SORCS2: variants seen among roughly 807,000 people sequenced by gnomAD.
The protein encoded by SORCS2 is VPS10 domain-containing receptor SorCS2.
Under a neutral mutation model 141.6 loss-of-function variants are expected in SORCS2, and 100 were observed. That is an observed-to-expected ratio of 0.71 (90% CI 0.60 to 0.83). The LOEUF (loss-of-function observed/expected upper bound fraction) is 0.83, where lower values mean the gene tolerates loss of function less well. Among genes scored for constraint, SORCS2 ranks in the 40% least tolerant of loss-of-function variants. SORCS2 has a pLI of 0.00. For missense variants in SORCS2, 1,646 were observed against 1,560.2 expected (o/e 1.05, Z -0.93); for synonymous variants, 789 against 676.9 (o/e 1.17, Z -2.57).
intron 1 of SORCS2, among the ~76,000 whole-genome samples, chr4:7,238,021 C>G (rs1712407353): frequency 6.6e-6 from 1 of 152,062 alleles, no homozygotes; most frequent in Admixed American, 6.6e-5. Context: ...GGATGGCTGT[C>G]ATCTGCAATG....
intron 1 of SORCS2, among the ~76,000 whole-genome samples, chr4:7,242,317 C>T (rs1343269387): frequency 6.6e-6 from 1 of 152,104 alleles, no homozygotes; most frequent in Non-Finnish European, 1.5e-5. Flanking sequence ...AACTCAGCCT[C>T]CTGAGTAGCT....
chr4:7,545,881 C>T (rs1044790884), intron 3 of SORCS2, among the ~76,000 whole-genome samples: 1 of 152,222 alleles, frequency 6.6e-6, no homozygotes, highest in African/African-American at 2.4e-5. Context: ...ATTTATTTCT[C>T]ATAGCTCTGG....
chr4:7,638,509 C>A lies in SORCS2; in HGVS notation c.813+17C>A. ...GAGAGCAAGGTAAGATATATGGGTG[C>A]CAGTCGCCTGGTCTGTGGGGCTGGG... On this transcript the variant is annotated intron_variant, in intron 4 of 26. Transcript: ENST00000507866. 6.2e-7 allele frequency: 1 copy of A among 1,603,302 alleles called. No individual in the cohort carries two copies. Among genetic ancestry groups the A allele is most frequent in the Non-Finnish European group, 8.5e-7 (1 of 1,176,354 alleles).
At chr4:7,204,734 C>T (rs1209703546) in intron 1 of SORCS2, among the ~76,000 whole-genome samples, 1 of 152,138 alleles carries the variant, frequency 6.6e-6, no homozygotes, top group Non-Finnish European at 1.5e-5. Flanking sequence ...CTGTTCTGTT[C>T]TCATAACCTC....
In SORCS2 at chr4:7,700,969, G is replaced by A. The variant is rs904767959; in HGVS notation, c.1669-2311G>A. On this transcript the variant is annotated intron_variant, in intron 12 of 26. Transcript: ENST00000507866. ...TGAGCCTCAGTGTCTCTGGAAAGTG[G>A]GGAAATAACCTGTGAGCCTGGCTGC... Among the ~76,000 whole-genome samples, 5 of 152,346 alleles carry A rather than the reference G, an allele frequency of 3.3e-5. No individual in the cohort carries two copies. In the East Asian group the frequency reaches 9.7e-4, roughly 29 times the overall value.
chr4:7,731,217 G>A (rs1349896599), intron 23 of SORCS2, among the ~76,000 whole-genome samples: 1 of 152,184 alleles, frequency 6.6e-6, no homozygotes, highest in Non-Finnish European at 1.5e-5. Context: ...TTGAACCAAG[G>A]AGGTGAAAAA....
chr4:7,492,516 A>G (rs6446604), intron 2 of SORCS2, among the ~76,000 whole-genome samples: 147,833 of 152,342 alleles, frequency 0.97, 71,848 homozygotes, highest in East Asian at 1. Flanking sequence ...ACGCAGGAGT[A>G]CAGGGACCTC....
chr4:7,482,666 C>A lies in SORCS2; in HGVS notation c.549-48864C>A, dbSNP rs1347756795. 8.6e-5 allele frequency among the ~76,000 whole-genome samples: 8 copies of A among 93,470 alleles called. 2 individuals are homozygous for A. The highest frequency in any genetic ancestry group is 1.6e-4 in the Non-Finnish European group (8 of 50,350). 61.3% of individuals were successfully genotyped at this position (93,470 alleles called of 152,430 possible). ...TAGACCTGTATCCCCGCTGCGGACA[C>A]CCCTGGCTGCAGTTCAGACCTGTAT... is the stretch of plus-strand genomic sequence containing the variant. On this transcript the variant is annotated intron_variant, in intron 2 of 26. Transcript: ENST00000507866.
intron 4 of SORCS2, among the ~76,000 whole-genome samples, chr4:7,640,508 G>GTGTT (rs60565516): frequency 0.6 from 89,120 of 148,820 alleles, 27,407 homozygotes; most frequent in East Asian, 0.96. Flanking sequence ...GTATGTGAGA[G>GTGTT]TGTGTGAGTG....
intron 1 of SORCS2, among the ~76,000 whole-genome samples, chr4:7,248,951 C>T (rs1019014200): frequency 6.6e-6 from 1 of 152,144 alleles, no homozygotes; most frequent in African/African-American, 2.4e-5. Context: ...AGGGTTTTAG[C>T]CAGAAGTATC....
chr4:7,553,949 T>G (rs917096315), intron 3 of SORCS2, among the ~76,000 whole-genome samples: 2 of 152,142 alleles, frequency 1.3e-5, no homozygotes, highest in East Asian at 3.8e-4. Context: ...AATCTTTAGT[T>G]AAATCCAATT....
At chr4:7,200,118 G>A (rs1471051300) in intron 1 of SORCS2, among the ~76,000 whole-genome samples, 1 of 152,108 alleles carries the variant, frequency 6.6e-6, no homozygotes. Context: ...CCCCCTCGCT[G>A]GAAGTGCTCA....
At position 7,716,854 on chromosome 4, in the gene SORCS2, A is replaced by G. The variant is rs557662956; in HGVS notation, c.2253-1158A>G. Among the ~76,000 whole-genome samples, 8 of 152,366 alleles carry G rather than the reference A, an allele frequency of 5.3e-5. No individual in the cohort carries two copies. In the East Asian group the frequency reaches 1.5e-3, roughly 29 times the overall value. Reference sequence around the variant, plus strand: ...AAGACAAAGGATTTCATCTCATACCATCTGCACGCTGTAGGTGCCATGGGT... The same window carrying G: ...AAGACAAAGGATTTCATCTCATACCGTCTGCACGCTGTAGGTGCCATGGGT... On this transcript the variant is annotated intron_variant, in intron 17 of 26. Transcript: ENST00000507866.
intron 2 of SORCS2, chr4:7,434,101 G>T: frequency 6.2e-7 from 1 of 1,611,842 alleles, no homozygotes; most frequent in East Asian, 2.2e-5. Flanking sequence ...CAAACGGGCA[G>T]GTGCCCCTAG....
At position 7,682,776 on chromosome 4, in the gene SORCS2, C is replaced by A. The variant is rs1362727476; in HGVS notation, c.1375C>A (p.Gln459Lys). ...GGTGAAAGGAGTCTTCCTGGCAAAC[C>A]AAAAAATTGATGGGAAAGTGATGAC... Reference protein sequence around the residue: ...RGVKGVFLANQKIDGKVMTLI... With the variant: ...RGVKGVFLANKKIDGKVMTLI... Residue 459 changes from glutamine to lysine, a missense_variant, in exon 10 of 27, where the codon CAA (glutamine) becomes AAA (lysine). Gln to Lys is a moderately conservative substitution (Grantham distance 53, BLOSUM62 1). Transcript: ENST00000507866. The A allele has an allele frequency of 1.9e-6, 3 of 1,611,804 alleles. No homozygotes were observed. Among genetic ancestry groups the A allele is most frequent in the Non-Finnish European group, 2.5e-6 (3 of 1,179,026 alleles).
intron 10 of SORCS2, among the ~76,000 whole-genome samples, chr4:7,687,392 A>G (rs1421555175): frequency 6.6e-6 from 1 of 152,106 alleles, no homozygotes; most frequent in African/African-American, 2.4e-5. Flanking sequence ...CAGCAAGTCT[A>G]TTCACTCGTA....
chr4:7,325,119 C>T (rs1359484733), intron 1 of SORCS2, among the ~76,000 whole-genome samples: 1 of 152,186 alleles, frequency 6.6e-6, no homozygotes, highest in African/African-American at 2.4e-5. Flanking sequence ...TCCCCAGGTC[C>T]CCAGGCCCCC....
At chr4:7,520,826 A>G (rs1276526807) in intron 2 of SORCS2, among the ~76,000 whole-genome samples, 1 of 152,208 alleles carries the variant, frequency 6.6e-6, no homozygotes, top group African/African-American at 2.4e-5. Flanking sequence ...GTGAAATGAC[A>G]CAGCTCCTGC....
chr4:7,665,036 G>C (rs1722416912), intron 7 of SORCS2, among the ~76,000 whole-genome samples: 1 of 152,206 alleles, frequency 6.6e-6, no homozygotes, highest in Non-Finnish European at 1.5e-5. Flanking sequence ...TCACTGGCCT[G>C]TTTCTTCTGG....
Sources: allele counts gnomAD v4.1 joint callset (sites outside exome capture counted in the v4.1 genomes callset), GRCh38; gene constraint gnomAD v4.1.1; transcripts MANE v1.5; gene names NCBI Gene and HGNC (gene_info 2026-07-23, HGNC 2026-07-21).